FHIP1A: variants seen among roughly 807,000 people sequenced by gnomAD.
FHIP1A encodes the protein FHF complex subunit HOOK-interacting protein 1A.
In FHIP1A, 61 loss-of-function variants were observed where a neutral mutation model predicts 88.6. That is an observed-to-expected ratio of 0.69 (90% CI 0.56 to 0.85). The LOEUF is 0.85. Among genes scored for constraint, FHIP1A ranks in the 40% least tolerant of loss-of-function variants. FHIP1A has a pLI of 0.00. For synonymous variants in FHIP1A, 478 were observed against 496.0 expected (o/e 0.96, Z 0.48); for missense variants, 1,154 against 1,273.5 (o/e 0.91, Z 1.43).
intron 3 of FHIP1A, among the ~76,000 whole-genome samples, chr4:151,517,475 A>C (rs936166291): frequency 1.1e-4 from 16 of 152,148 alleles, no homozygotes; most frequent in African/African-American, 3.4e-4. Context: ...AATTTAAAAA[A>C]ATATATATTC....
At chr4:151,592,706 G>T (rs927606362) in intron 7 of FHIP1A, among the ~76,000 whole-genome samples, 1 of 152,138 alleles carries the variant, frequency 6.6e-6, no homozygotes, top group Admixed American at 6.5e-5. Flanking sequence ...CTCCCATTCT[G>T]TAGGTTGCGT....
At position 151,665,082 on chromosome 4, in the gene FHIP1A, CT is replaced by C. The variant is rs529503151; in HGVS notation, c.*2329del. On this transcript the variant is annotated 3_prime_UTR_variant, in exon 14 of 14. Transcript: ENST00000435205. ...CTCAACCTCCTGGGCTCAAGTGATC[CT>C]CCCACCTCAGCCTTCCGAGTAGCTG... Among the ~76,000 whole-genome samples, 78 of 152,216 alleles carry C rather than the reference CT, an allele frequency of 5.1e-4. No homozygotes were observed. The Middle Eastern group carries it at 0.024, about 46-fold the overall frequency.
rs1186905578 is a variant in FHIP1A, at chr4:151,656,528, C to G, written c.2730+118C>G. The G allele has an allele frequency of 9.1e-7, 1 of 1,096,880 alleles. No homozygotes were observed. The highest frequency in any genetic ancestry group is 1.6e-5 in the African/African-American group (1 of 63,352). 67.9% of individuals were successfully genotyped at this position (1,096,880 alleles called of 1,614,324 possible). A position where few individuals can be genotyped will look rare whatever the true frequency, so the allele number is the denominator to read the frequency against. ...CCTTTGCTCTAATTCATTTGCTTTC[C>G]TTCCCTGTCCTATTAAGCTCACTGT... is the stretch of plus-strand genomic sequence containing the variant. On this transcript the variant is annotated intron_variant, in intron 12 of 13. Coordinates refer to ENST00000435205, the MANE Select transcript of FHIP1A (RefSeq NM_001109977.3). This position sits in a 1 kb window ranked among gnomAD's most constrained non-coding sequence, Gnocchi z 4.2.
intron 8 of FHIP1A, among the ~76,000 whole-genome samples, chr4:151,636,832 A>G (rs1736374874): frequency 6.6e-6 from 1 of 152,224 alleles, no homozygotes; most frequent in African/African-American, 2.4e-5. Context: ...AGCTGACTCT[A>G]AAATTCATAT....
At chr4:151,459,861 G>A (rs937700664) in intron 2 of FHIP1A, among the ~76,000 whole-genome samples, 18 of 152,208 alleles carry the variant, frequency 1.2e-4, no homozygotes, top group Admixed American at 5.9e-4. Context: ...TAAGGTTGAC[G>A]GAGAGAGAGC....
intron 1 of FHIP1A, among the ~76,000 whole-genome samples, chr4:151,417,111 A>G (rs750999127): frequency 2.0e-5 from 3 of 152,186 alleles, no homozygotes; most frequent in Non-Finnish European, 4.4e-5. Context: ...ATTGGACTAA[A>G]TGCACAAACA....
intron 5 of FHIP1A, among the ~76,000 whole-genome samples, chr4:151,580,452 A>G (rs1285054508): frequency 6.6e-6 from 1 of 152,220 alleles, no homozygotes; most frequent in Non-Finnish European, 1.5e-5. Flanking sequence ...ACCAGTTAAT[A>G]CTTATCAGAG....
chr4:151,448,290 A>T (rs1234585646), intron 1 of FHIP1A, among the ~76,000 whole-genome samples: 4 of 152,130 alleles, frequency 2.6e-5, no homozygotes, highest in Non-Finnish European at 5.9e-5. Context: ...CTGTTATGGC[A>T]GCCTGGGAAA....
intron 8 of FHIP1A, among the ~76,000 whole-genome samples, chr4:151,637,166 C>T (rs1209700002): frequency 2.6e-5 from 4 of 152,000 alleles, no homozygotes; most frequent in African/African-American, 9.7e-5. Flanking sequence ...AAAATTAACT[C>T]AAAATGGACC....
intron 1 of FHIP1A, among the ~76,000 whole-genome samples, chr4:151,452,951 T>TGTATATATATATATATAC (rs1728840629): frequency 8.4e-6 from 1 of 119,316 alleles, no homozygotes; most frequent in African/African-American, 2.9e-5. Flanking sequence ...TATATATATA[T>TGTATATATATATATATAC]ACATACACAC....
chr4:151,461,569 A>G (rs1729142638), intron 2 of FHIP1A, among the ~76,000 whole-genome samples: 1 of 152,268 alleles, frequency 6.6e-6, no homozygotes, highest in African/African-American at 2.4e-5. Context: ...TATACATTAT[A>G]TGTATCAAAA....
chr4:151,527,690 T>TTA (rs1354138778), intron 3 of FHIP1A, among the ~76,000 whole-genome samples: 1 of 152,228 alleles, frequency 6.6e-6, no homozygotes, highest in Non-Finnish European at 1.5e-5. Context: ...TTCAGTATAA[T>TTA]GCTCTGATAA....
intron 7 of FHIP1A, among the ~76,000 whole-genome samples, chr4:151,596,859 G>T (rs1734668503): frequency 6.6e-6 from 1 of 152,026 alleles, no homozygotes; most frequent in African/African-American, 2.4e-5. Context: ...CTCGTGTTGT[G>T]TTTTTCAGCT....
intron 3 of FHIP1A, among the ~76,000 whole-genome samples, chr4:151,500,175 A>G (rs1465297868): frequency 1.3e-5 from 2 of 152,186 alleles, no homozygotes; most frequent in Non-Finnish European, 2.9e-5. Flanking sequence ...AATATAGAAA[A>G]TGTTCAGAGG....
At chr4:151,457,031 T>C (rs1476193645) in intron 2 of FHIP1A, among the ~76,000 whole-genome samples, 1 of 152,198 alleles carries the variant, frequency 6.6e-6, no homozygotes, top group East Asian at 1.9e-4. Flanking sequence ...CTTCTGGGAA[T>C]GACAGAAGGA....
intron 1 of FHIP1A, among the ~76,000 whole-genome samples, chr4:151,438,432 G>T (rs1223132866): frequency 2.0e-5 from 3 of 151,816 alleles, no homozygotes; most frequent in Non-Finnish European, 2.9e-5. Context: ...ACCAGAAAAA[G>T]GATTTAATTC....
chr4:151,607,340 A>T (rs1735113040), intron 7 of FHIP1A, among the ~76,000 whole-genome samples: 1 of 152,224 alleles, frequency 6.6e-6, no homozygotes, highest in African/African-American at 2.4e-5. Flanking sequence ...CAACTAGGTA[A>T]CATGGAGTGA....
chr4:151,647,018 TG>T (rs2126905386), intron 10 of FHIP1A, among the ~76,000 whole-genome samples: 1 of 152,270 alleles, frequency 6.6e-6, no homozygotes, highest in East Asian at 1.9e-4. Flanking sequence ...TGTGAAAACG[TG>T]TGCTAGCATG....
chr4:151,599,710 A>G (rs562483891), intron 7 of FHIP1A, among the ~76,000 whole-genome samples: 1 of 152,350 alleles, frequency 6.6e-6, no homozygotes, highest in East Asian at 1.9e-4. Flanking sequence ...TCCAGAGTTT[A>G]GCAGCAGGGG....
Sources: gnomAD v4.1 joint callset for allele counts (sites outside exome capture counted in the v4.1 genomes callset) on GRCh38, gnomAD v4.1.1 for gene constraint, Gnocchi (gnomAD v3.1) non-coding constraint, MANE v1.5 for transcripts, NCBI Gene and HGNC (gene_info 2026-07-23, HGNC 2026-07-21) for gene names.